BRIP1: variants seen among roughly 807,000 people sequenced by gnomAD.
The protein encoded by BRIP1 is Fanconi anemia group J protein.
In BRIP1, 88 loss-of-function variants were observed where a neutral mutation model predicts 119.7. The observed-to-expected ratio is 0.74, with a 90% CI of 0.62 to 0.88. The LOEUF (loss-of-function observed/expected upper bound fraction) is 0.88, where lower values mean the gene tolerates loss of function less well. Ranked by LOEUF, BRIP1 falls within the 40% of genes least tolerant of loss-of-function variation. The pLI, the probability that BRIP1 is intolerant of heterozygous loss-of-function variation, is 0.00. For synonymous variants in BRIP1, 443 were observed against 496.5 expected (o/e 0.89, Z 1.43); for missense variants, 1,259 against 1,455.4 (o/e 0.87, Z 2.20).
intron 6 of BRIP1, among the ~76,000 whole-genome samples, chr17:61,836,197 T>C (rs2078571689): frequency 6.9e-6 from 1 of 145,784 alleles, no homozygotes; most frequent in Non-Finnish European, 1.5e-5. Context: ...CTTTAACCTC[T>C]ACCTCCCGGG....
At chr17:61,697,299 T>C (rs997540651) in intron 17 of BRIP1, among the ~76,000 whole-genome samples, 5 of 118,230 alleles carry the variant, frequency 4.2e-5, no homozygotes, top group Non-Finnish European at 8.0e-5. Flanking sequence ...ATCATGCCAT[T>C]GCACTCCAGC....
At position 61,740,379 on chromosome 17, in the gene BRIP1, G is replaced by C. The variant is rs1401423933; in HGVS notation, c.2379+2634C>G. On this transcript the variant is annotated intron_variant, in intron 16 of 19. Transcript: ENST00000259008. The surrounding 1 kb of genome is among the most constrained non-coding windows in gnomAD (Gnocchi z 5.4). ...TTGGCAGGTCTGGATGAGCCTGAAA[G>C]TCTTTATTTCTATTAAGTTCCCAGG... Among the ~76,000 whole-genome samples the C allele has an allele frequency of 6.6e-6, 1 of 152,140 alleles. No homozygotes were observed. The highest frequency in any genetic ancestry group is 1.9e-4 in the East Asian group (1 of 5,204).
rs1247292556 is a variant in BRIP1 at position 61,776,271 on chromosome 17, G to A, written c.2097+130C>T. On this transcript the variant is annotated intron_variant, in intron 14 of 19. Transcript: ENST00000259008. This position sits in a 1 kb window ranked among gnomAD's most constrained non-coding sequence, Gnocchi z 5.0. Reference sequence around the variant, plus strand: ...TAAGTAAAATAATATGTGATGTTTAGAAAACTATAGTTATTACCTTGTTGC... The same window carrying A: ...TAAGTAAAATAATATGTGATGTTTAAAAAACTATAGTTATTACCTTGTTGC... The A allele has an allele frequency of 1.4e-5, 14 of 969,134 alleles. No individual in the cohort carries two copies. The Admixed American group carries it at 3.0e-4, about 21-fold the overall frequency. The allele number at this position is 969,134 out of a possible 1,614,324, so 60.0% of individuals were successfully genotyped here. A position where few individuals can be genotyped will look rare whatever the true frequency, so the allele number is the denominator to read the frequency against.
Position 61,780,504 on chromosome 17 carries a change from G to T in BRIP1, c.1795-103C>A. On this transcript the variant is annotated intron_variant, in intron 12 of 19. Coordinates refer to ENST00000259008, the MANE Select transcript of BRIP1 (RefSeq NM_032043.3). The surrounding 1 kb of genome is among the most constrained non-coding windows in gnomAD (Gnocchi z 5.4). ...GCACTTTGGGAGGCTGAAGCAGGAA[G>T]ATCGCTTGAGTCTAGGAGTCTGAGA... 9.5e-7 allele frequency: 1 copy of T among 1,052,012 alleles called. No homozygotes were observed. The highest frequency in any genetic ancestry group is 1.5e-6 in the Non-Finnish European group (1 of 681,648). 65.2% of individuals were successfully genotyped at this position (1,052,012 alleles called of 1,614,324 possible). A position where few individuals can be genotyped will look rare whatever the true frequency, so the allele number is the denominator to read the frequency against.
In BRIP1 at chr17:61,861,226, G is replaced by C. The variant is rs983743065; in HGVS notation, c.93+221C>G. On this transcript the variant is annotated intron_variant, in intron 2 of 19. Coordinates refer to ENST00000259008, the MANE Select transcript of BRIP1 (RefSeq NM_032043.3). The surrounding 1 kb of genome is among the most constrained non-coding windows in gnomAD (Gnocchi z 4.5). ...CATTAAAAGTATAGAAATTCCAAAT[G>C]AGCTGAGAACATTTTTCAGAATGTT... 6.6e-6 allele frequency among the ~76,000 whole-genome samples: 1 copy of C among 152,110 alleles called. No individual in the cohort carries two copies. The highest frequency in any genetic ancestry group is 2.4e-5 in the African/African-American group (1 of 41,414).
At chr17:61,698,822 C>G (rs1353225481) in intron 17 of BRIP1, among the ~76,000 whole-genome samples, 2 of 151,700 alleles carry the variant, frequency 1.3e-5, no homozygotes, top group Non-Finnish European at 2.9e-5. Flanking sequence ...TCAGGTGATT[C>G]TCCCACATCA....
intron 6 of BRIP1, among the ~76,000 whole-genome samples, chr17:61,819,875 A>G (rs767456985): frequency 1.1e-4 from 16 of 152,206 alleles, no homozygotes; most frequent in Non-Finnish European, 1.9e-4. Context: ...AAAATAACTA[A>G]GAGTATAATT....
rs2077170830 is a variant in BRIP1, at chr17:61,754,195, C to A, written c.2098-9604G>T. ...CTGCATTTAGAACAAAATCTAAATT[C>A]TTACTGTGGTGTGATTTTACCCAGC... On this transcript the variant is annotated intron_variant, in intron 14 of 19. Coordinates refer to ENST00000259008, the MANE Select transcript of BRIP1 (RefSeq NM_032043.3). This position sits in a 1 kb window ranked among gnomAD's most constrained non-coding sequence, Gnocchi z 4.1. Among the ~76,000 whole-genome samples, 2 of 152,166 alleles carry A rather than the reference C, an allele frequency of 1.3e-5. No homozygotes were observed. Among genetic ancestry groups the A allele is most frequent in the South Asian group, 4.1e-4 (2 of 4,822 alleles).
intron 10 of BRIP1, among the ~76,000 whole-genome samples, chr17:61,792,864 C>T (rs1427799678): frequency 6.6e-6 from 1 of 152,064 alleles, no homozygotes; most frequent in Non-Finnish European, 1.5e-5. Context: ...TCAATTATAA[C>T]AAATATACTA....
chr17:61,790,780 C>T (rs868156470), intron 10 of BRIP1, among the ~76,000 whole-genome samples: 24 of 151,796 alleles, frequency 1.6e-4, no homozygotes, highest in South Asian at 6.2e-4. Flanking sequence ...GCTGGGACTA[C>T]AGCGCATGCC....
rs2061803947 is a variant in BRIP1, at chr17:61,713,037, T to C, written c.2492+2914A>G. On this transcript the variant is annotated intron_variant, in intron 17 of 19. Coordinates refer to ENST00000259008, the MANE Select transcript of BRIP1 (RefSeq NM_032043.3). This position sits in a 1 kb window ranked among gnomAD's most constrained non-coding sequence, Gnocchi z 4.9. The stretch of plus-strand genomic sequence containing the variant: ...GATGTTTCAGTCAGTGTGAAGTGCA[T>C]ATATGATAGTGGTCCCATAAGATTA... 6.6e-6 allele frequency among the ~76,000 whole-genome samples: 1 copy of C among 152,178 alleles called. No homozygotes were observed. Among genetic ancestry groups the C allele is most frequent in the Non-Finnish European group, 1.5e-5 (1 of 68,030 alleles).
intron 17 of BRIP1, among the ~76,000 whole-genome samples, chr17:61,715,354 A>C (rs2061843929): frequency 6.6e-6 from 1 of 152,180 alleles, no homozygotes; most frequent in Non-Finnish European, 1.5e-5. Flanking sequence ...GCTTACAAAT[A>C]ACATTAAAAT....
chr17:61,694,617 T>C (rs1334707854), intron 17 of BRIP1, among the ~76,000 whole-genome samples: 6 of 152,070 alleles, frequency 3.9e-5, no homozygotes, highest in Non-Finnish European at 8.8e-5. Context: ...CCAAAGCAGC[T>C]GCACATTTTA....
rs192673256 is a variant in BRIP1 at position 61,857,042 on chromosome 17, G to A, written c.379+16C>T. On this transcript the variant is annotated intron_variant, in intron 4 of 19. Coordinates refer to ENST00000259008, the MANE Select transcript of BRIP1 (RefSeq NM_032043.3). This position sits in a 1 kb window ranked among gnomAD's most constrained non-coding sequence, Gnocchi z 5.1. ...TTATTACAGATATCAACTGACCCAG[G>A]CAAAATATAAATTACCTTGACAAGT... 6.2e-7 allele frequency: 1 copy of A among 1,612,064 alleles called. No individual in the cohort carries two copies.
chr17:61,705,300 C>T lies in BRIP1; in HGVS notation c.2492+10651G>A, dbSNP rs959763516. 2.0e-5 allele frequency among the ~76,000 whole-genome samples: 3 copies of T among 152,132 alleles called. No individual in the cohort carries two copies. The highest frequency in any genetic ancestry group is 4.8e-5 in the African/African-American group (2 of 41,422). ...CTTTTTTAATGGCTGTGCAGTATTC[C>T]ACGGTGTATATGTACCACATTTTCT... On this transcript the variant is annotated intron_variant, in intron 17 of 19. Transcript: ENST00000259008. The surrounding 1 kb of genome is among the most constrained non-coding windows in gnomAD (Gnocchi z 5.0).
chr17:61,785,035 TA>T (rs2077685091), intron 10 of BRIP1, among the ~76,000 whole-genome samples: 1 of 152,224 alleles, frequency 6.6e-6, no homozygotes, highest in South Asian at 2.1e-4. Flanking sequence ...AAAGACTCTT[TA>T]ATAATAAGTT....
intron 10 of BRIP1, among the ~76,000 whole-genome samples, chr17:61,788,989 G>A (rs988855733): frequency 6.6e-6 from 1 of 152,000 alleles, no homozygotes; most frequent in Non-Finnish European, 1.5e-5. Context: ...AGGTACTTGG[G>A]GGCGCTGAGG....
At chr17:61,737,301 C>T (rs1302380772) in intron 16 of BRIP1, among the ~76,000 whole-genome samples, 2 of 152,084 alleles carry the variant, frequency 1.3e-5, no homozygotes, top group African/African-American at 2.4e-5. Flanking sequence ...TTTTAAAAAC[C>T]TGATCCAACT....
rs1181799650 is a variant in BRIP1 at position 61,679,634 on chromosome 17, C to A, written c.*3662G>T. Among the ~76,000 whole-genome samples the A allele has an allele frequency of 6.6e-6, 1 of 152,174 alleles. No homozygotes were observed. The highest frequency in any genetic ancestry group is 1.5e-5 in the Non-Finnish European group (1 of 68,022). Reference sequence around the variant, plus strand: ...CTTTCCTCAAATCTTTATTGTCAGTCTATCACCTATATATCTATAGTTAGG... The same window carrying A: ...CTTTCCTCAAATCTTTATTGTCAGTATATCACCTATATATCTATAGTTAGG... On this transcript the variant is annotated 3_prime_UTR_variant, in exon 20 of 20. Transcript: ENST00000259008. The surrounding 1 kb of genome is among the most constrained non-coding windows in gnomAD (Gnocchi z 4.4).
Sources: allele counts gnomAD v4.1 joint callset (sites outside exome capture counted in the v4.1 genomes callset), GRCh38; gene constraint gnomAD v4.1.1; non-coding constraint Gnocchi (gnomAD v3.1); transcripts MANE v1.5; gene names NCBI Gene and HGNC (gene_info 2026-07-23, HGNC 2026-07-21).